HEATR3: variants seen among roughly 807,000 people sequenced by gnomAD.
HEATR3 encodes the protein HEAT repeat containing 3.
A neutral mutation model predicts 72.8 loss-of-function variants in HEATR3; 56 were observed. That is an observed-to-expected ratio of 0.77 (90% CI 0.62 to 0.96). The LOEUF (loss-of-function observed/expected upper bound fraction) is 0.96. HEATR3 is among the 40% of genes least tolerant of loss of function. The probability of loss-of-function intolerance (pLI) is 0.00; values close to 1 mark genes in which losing one functional copy is unlikely to be tolerated. For synonymous variants in HEATR3, 331 were observed against 318.1 expected, an observed-to-expected ratio of 1.04 and a Z score of -0.43; for missense variants, 747 against 831.4, an observed-to-expected ratio of 0.90 and a Z score of 1.25.
At chr16:50,095,072 T>C (rs2037203405) in intron 12 of HEATR3, among the ~76,000 whole-genome samples, 2 of 152,138 alleles carry the variant, frequency 1.3e-5, no homozygotes, top group African/African-American at 2.4e-5. Flanking sequence ...ACTTAATTGA[T>C]AGATATGTTG....
rs1285548573 is a variant in HEATR3 at position 50,075,699 on chromosome 16, A to G, written c.751A>G (p.Thr251Ala). 6.2e-7 allele frequency: 1 copy of G among 1,612,504 alleles called. No individual in the cohort carries two copies. Residue 251 changes from threonine to alanine, a missense_variant, in exon 6 of 15, where the codon ACA becomes GCA. Thr to Ala is a moderately conservative substitution (Grantham distance 58). Coordinates refer to ENST00000299192, the MANE Select transcript of HEATR3 (RefSeq NM_182922.4). ...VSSMESLLLK[T>A]LVAGTIWNLK... Reference sequence around the variant, plus strand: ...TTCCATGGAATCTCTTCTATTGAAGACATTGGTAGCAGGTAAAATTTAGCC... The same window carrying G: ...TTCCATGGAATCTCTTCTATTGAAGGCATTGGTAGCAGGTAAAATTTAGCC...
chr16:50,087,859 G>A (rs866062780), intron 11 of HEATR3, among the ~76,000 whole-genome samples: 1 of 152,166 alleles, frequency 6.6e-6, no homozygotes, highest in Non-Finnish European at 1.5e-5. Flanking sequence ...AGGCGCGGTG[G>A]CTCACACCTG....
At chr16:50,077,082 G>A (rs1241321769) in intron 6 of HEATR3, among the ~76,000 whole-genome samples, 1 of 151,880 alleles carries the variant, frequency 6.6e-6, no homozygotes, top group Non-Finnish European at 1.5e-5. Context: ...CACTGTGTTA[G>A]CCAGGATGGT....
At chr16:50,100,804 A>G in intron 13 of HEATR3, 2 of 205,772 alleles carry the variant, frequency 9.7e-6, no homozygotes, top group South Asian at 1.6e-4. Context: ...TAATTCTAAT[A>G]CCACTCCATA....
intron 7 of HEATR3, among the ~76,000 whole-genome samples, chr16:50,081,362 T>G (rs2036861826): frequency 6.6e-6 from 1 of 152,172 alleles, no homozygotes; most frequent in Non-Finnish European, 1.5e-5. Flanking sequence ...CAAGAATCAC[T>G]TGAATCTGGG....
At chr16:50,081,501 G>A (rs768247603) in intron 7 of HEATR3, among the ~76,000 whole-genome samples, 1 of 152,098 alleles carries the variant, frequency 6.6e-6, no homozygotes, top group Non-Finnish European at 1.5e-5. Flanking sequence ...TTGTAGTGGT[G>A]GGCGGTGGTG....
chr16:50,102,336 CTT>C lies in HEATR3; in HGVS notation c.1823_1824del (p.Phe608Ter). The C allele has an allele frequency of 1.9e-6, 3 of 1,614,040 alleles. No individual in the cohort carries two copies. The highest frequency in any genetic ancestry group is 2.5e-6 in the Non-Finnish European group (3 of 1,179,976). The stretch of plus-strand genomic sequence containing the variant: ...TAGCAGGAGAAGCTTTGGATGCCCT[CTT>C]TGATGTTTTTGCAGATGGTAAAGAA... Reference protein sequence around the residue: ...VVAGEALDALFDVFADGKEAE... With the variant: ...VVAGEALDALXDVFADGKEAE... On this transcript the variant is annotated frameshift_variant, in exon 14 of 15. Coordinates refer to ENST00000299192, the MANE Select transcript of HEATR3 (RefSeq NM_182922.4). LOFTEE classifies it high-confidence loss of function.
intron 12 of HEATR3, among the ~76,000 whole-genome samples, chr16:50,096,100 A>C (rs1181826201): frequency 6.6e-6 from 1 of 151,116 alleles, no homozygotes; most frequent in Admixed American, 6.6e-5. Context: ...TGAGGCGGGC[A>C]GATCACCTGA....
intron 2 of HEATR3, among the ~76,000 whole-genome samples, chr16:50,068,191 A>G (rs1013160651): frequency 1.3e-5 from 2 of 152,228 alleles, no homozygotes; most frequent in African/African-American, 2.4e-5. Flanking sequence ...CTTAGGGACT[A>G]GCACAGTGCT....
chr16:50,086,337 T>TAA lies in HEATR3; in HGVS notation c.1496_1497insAA (p.Phe500IlefsTer14), dbSNP rs1288049453. On this transcript the variant is annotated frameshift_variant, in exon 11 of 15. Coordinates refer to ENST00000299192, the MANE Select transcript of HEATR3 (RefSeq NM_182922.4). LOFTEE classifies it high-confidence loss of function. ...CTTGCACAGCATCTGTCACAGCTGCTTTTTTCTCAACCAGGTATTTAGACT... is the reference window on the plus strand; with the variant it reads ...CTTGCACAGCATCTGTCACAGCTGCTAATTTTTCTCAACCAGGTATTTAGACT... The TAA allele has an allele frequency of 6.2e-7, 1 of 1,602,694 alleles. No homozygotes were observed. Among genetic ancestry groups the TAA allele is most frequent in the Admixed American group, 1.7e-5 (1 of 58,298 alleles).
At position 50,102,226 on chromosome 16, in the gene HEATR3, T is replaced by C. The variant is rs768372544; in HGVS notation, c.1744-33T>C. 3 of 1,584,888 alleles carry C rather than the reference T, an allele frequency of 1.9e-6. No individual in the cohort carries two copies. The African/African-American group carries it at 4.1e-5, about 21-fold the overall frequency. On this transcript the variant is annotated intron_variant, in intron 13 of 14. Coordinates refer to ENST00000299192, the MANE Select transcript of HEATR3 (RefSeq NM_182922.4). ...TTGGTACTTGTTTTGGAGACTGGTGTTAGTCATACTAAATGTGTTTTGTTG... is the reference window on the plus strand; with the variant it reads ...TTGGTACTTGTTTTGGAGACTGGTGCTAGTCATACTAAATGTGTTTTGTTG...
intron 7 of HEATR3, among the ~76,000 whole-genome samples, chr16:50,081,977 A>G (rs2036877321): frequency 6.6e-6 from 1 of 152,218 alleles, no homozygotes; most frequent in African/African-American, 2.4e-5. Flanking sequence ...TGATAGCAGT[A>G]AGAAGCAGAG....
intron 14 of HEATR3, among the ~76,000 whole-genome samples, chr16:50,102,841 C>T (rs1000167814): frequency 3.3e-5 from 5 of 152,130 alleles, no homozygotes; most frequent in African/African-American, 9.7e-5. Context: ...TGGCTCACTG[C>T]GACCTCCCCT....
At chr16:50,070,374 C>G in intron 4 of HEATR3, 84 bp downstream of exon 4, 3 of 581,610 alleles carry the variant, frequency 5.2e-6, no homozygotes, top group Non-Finnish European at 8.9e-6. Context: ...AATCTCTGTT[C>G]CCCTTGGTAG....
At chr16:50,087,259 A>G (rs1041378057) in intron 11 of HEATR3, among the ~76,000 whole-genome samples, 3 of 152,212 alleles carry the variant, frequency 2.0e-5, no homozygotes, top group East Asian at 1.9e-4. Flanking sequence ...TCTTTCTTCA[A>G]ACACCTTTGC....
At chr16:50,076,811 T>C (rs2036740503) in intron 6 of HEATR3, among the ~76,000 whole-genome samples, 1 of 151,124 alleles carries the variant, frequency 6.6e-6, no homozygotes, top group Non-Finnish European at 1.5e-5. Flanking sequence ...GCGATCCTCC[T>C]GCCTCAGTCT....
chr16:50,103,752 G>A (rs761093652), intron 14 of HEATR3, among the ~76,000 whole-genome samples: 1 of 152,198 alleles, frequency 6.6e-6, no homozygotes, highest in East Asian at 1.9e-4. Flanking sequence ...CAGGCCAGGC[G>A]CAGTGGCTCA....
At chr16:50,087,550 G>A (rs575141586) in intron 11 of HEATR3, among the ~76,000 whole-genome samples, 2 of 151,254 alleles carry the variant, frequency 1.3e-5, no homozygotes, top group African/African-American at 2.5e-5. Flanking sequence ...AAGAGAGACT[G>A]AGAGAGAAGA....
chr16:50,103,274 G>A (rs1262095616), intron 14 of HEATR3, among the ~76,000 whole-genome samples: 1 of 151,938 alleles, frequency 6.6e-6, no homozygotes, highest in Non-Finnish European at 1.5e-5. Flanking sequence ...TGTTCTGATT[G>A]ATTTTCCTAC....
Sources: allele counts gnomAD v4.1 joint callset (sites outside exome capture counted in the v4.1 genomes callset), GRCh38; gene constraint gnomAD v4.1.1; transcripts MANE v1.5; gene names NCBI Gene and HGNC (gene_info 2026-07-23, HGNC 2026-07-21).